SEC31B: variants seen among roughly 807,000 people sequenced by gnomAD.
The protein encoded by SEC31B is protein transport protein Sec31B.
A neutral mutation model predicts 135.0 loss-of-function variants in SEC31B; 113 were observed. That is an observed-to-expected ratio of 0.84 (90% confidence interval 0.72 to 0.98). The LOEUF (loss-of-function observed/expected upper bound fraction) is 0.98. Among genes scored for constraint, SEC31B ranks in the 50% least tolerant of loss-of-function variants. The probability of loss-of-function intolerance (pLI) is 0.00; values close to 1 mark genes in which losing one functional copy is unlikely to be tolerated. For synonymous variants in SEC31B, 508 were observed against 549.4 expected, an observed-to-expected ratio of 0.92 and a Z score of 1.05; for missense variants, 1,296 against 1,421.1, an observed-to-expected ratio of 0.91 and a Z score of 1.42.
chr10:100,500,528 C>T (rs558975232), intron 11 of SEC31B, among the ~76,000 whole-genome samples: 2 of 152,102 alleles, frequency 1.3e-5, no homozygotes, highest in South Asian at 4.2e-4. Flanking sequence ...GTTGGCCAGG[C>T]TGGTCTCGAA....
chr10:100,500,298 T>C, intron 11 of SEC31B: 1 of 407,238 alleles, frequency 2.5e-6, no homozygotes, highest in Non-Finnish European at 4.8e-6. Flanking sequence ...TACAGTAGTC[T>C]TGTGAGTCTA....
Position 100,508,995 on chromosome 10 carries a change from G to C in SEC31B, c.495+12C>G, listed in dbSNP as rs1368312157. ...GCACACTCCAGGGTTGGGTAGTGGGGGTGCTGCTCACCTGTGACTTGGATC... is the reference window on the plus strand; with the variant it reads ...GCACACTCCAGGGTTGGGTAGTGGGCGTGCTGCTCACCTGTGACTTGGATC... On this transcript the variant is annotated intron_variant, in intron 5 of 25. Coordinates refer to ENST00000370345, the MANE Select transcript of SEC31B (RefSeq NM_015490.4). 6.2e-7 allele frequency: 1 copy of C among 1,603,396 alleles called. No homozygotes were observed. Among genetic ancestry groups the C allele is most frequent in the South Asian group, 1.1e-5 (1 of 90,812 alleles).
chr10:100,502,449 G>T lies in SEC31B; in HGVS notation c.1215C>A (p.Ser405Arg), dbSNP rs768767528. The change falls in exon 11 of 26, where the codon AGC becomes AGA. Residue 405 changes from serine to arginine, a missense_variant. Ser to Arg is a moderately radical substitution (Grantham distance 110). Coordinates refer to ENST00000370345, the MANE Select transcript of SEC31B (RefSeq NM_015490.4). ...GCTGTGGCACCAGATGGGCAGGGGT[G>T]CTGGGGAGGCCAAAAGTAACCAGCT... is the stretch of plus-strand genomic sequence containing the variant. ...GGKLVTFGLPSTPAHLVPQPC... is the reference protein window; with the variant it reads ...GGKLVTFGLPRTPAHLVPQPC... 1 of 1,613,906 alleles carries T rather than the reference G, an allele frequency of 6.2e-7. No individual in the cohort carries two copies. Among genetic ancestry groups the T allele is most frequent in the Admixed American group, 1.7e-5 (1 of 60,022 alleles).
chr10:100,496,185 G>A (rs116652770), intron 18 of SEC31B, 73 bp downstream of exon 18: 1 of 1,514,974 alleles, frequency 6.6e-7, no homozygotes. Context: ...ATAGTGCCTG[G>A]AATATGGAAG....
rs1407671673 is a variant in SEC31B, at chr10:100,490,021, C to G, written c.2952G>C (p.Leu984Phe). ...AGGAAGACTGACCTGGGTGAGGAGT[C>G]AAGATGCCAGTGGTTGGGAGGACAC... ...CSSVLPTTGI[L>F]TPHPGPQDSW... Residue 984 changes from leucine to phenylalanine, a missense_variant, in exon 21 of 26, where the codon TTG becomes TTC. By Grantham distance (22) the Leu-to-Phe change is conservative (BLOSUM62 0). Coordinates refer to ENST00000370345, the MANE Select transcript of SEC31B (RefSeq NM_015490.4). The G allele has an allele frequency of 6.5e-7, 1 of 1,545,048 alleles. No homozygotes were observed. Among genetic ancestry groups the G allele is most frequent in the East Asian group, 2.2e-5 (1 of 44,510 alleles).
chr10:100,510,604 C>T (rs541924134), intron 3 of SEC31B, among the ~76,000 whole-genome samples: 15 of 152,210 alleles, frequency 9.9e-5, no homozygotes, highest in African/African-American at 2.2e-4. Context: ...CCAGATATCA[C>T]GCCAAATGAG....
Position 100,490,820 on chromosome 10 carries a change from C to T in SEC31B, c.2536G>A (p.Ala846Thr). ...TGATAAGGGCTAGGATGGGAAGGTG[C>T]CAAGGGCATCGCTGGTGATGACTGA... ...TPQSSPAMPL[A>T]PSHPSPYQGP... The change falls in exon 20 of 26, where the codon GCA (alanine) becomes ACA (threonine). Residue 846 changes from alanine (A) to threonine (T), a missense_variant. Coordinates refer to ENST00000370345, the MANE Select transcript of SEC31B (RefSeq NM_015490.4). 6.2e-7 allele frequency: 1 copy of T among 1,603,076 alleles called. No individual in the cohort carries two copies.
rs568189441 is a variant in SEC31B, at chr10:100,517,030, G to C, written c.-45-33C>G. 5 of 1,054,108 alleles carry C rather than the reference G, an allele frequency of 4.7e-6. No individual in the cohort carries two copies. In the East Asian group the frequency reaches 1.2e-4, roughly 25 times the overall value. The allele number at this position is 1,054,108 out of a possible 1,614,324, so 65.3% of individuals were successfully genotyped here. ...TAGAAACCAGCAAACTTAACAGCCA[G>C]ATCCAGGGAGCATCTGCGGACAAGA... On this transcript the variant is annotated intron_variant, in intron 1 of 25. Transcript: ENST00000370345.
intron 4 of SEC31B, 94 bp downstream of exon 4, chr10:100,509,222 G>T: frequency 2.0e-6 from 3 of 1,497,376 alleles, no homozygotes; most frequent in Non-Finnish European, 2.8e-6. Flanking sequence ...CTGGAAAGGG[G>T]TCAGAGTTAC....
At position 100,498,145 on chromosome 10, in the gene SEC31B, A is replaced by T. The variant is rs1175982659; in HGVS notation, c.1747T>A (p.Cys583Ser). ...TCAGCAAAGCGCTCCTCCTTCAGACACAGCTCCACGGCCGGACCCAGTTCC... is the reference window on the plus strand; with the variant it reads ...TCAGCAAAGCGCTCCTCCTTCAGACTCAGCTCCACGGCCGGACCCAGTTCC... ...LGELGPAVELCLKEERFADAI... is the reference protein window; with the variant it reads ...LGELGPAVELSLKEERFADAI... The change falls in exon 15 of 26, where the codon TGT becomes AGT. Residue 583 changes from cysteine to serine, a missense_variant. Cys to Ser is a moderately radical substitution (Grantham distance 112). Transcript: ENST00000370345. 6.2e-6 allele frequency: 10 copies of T among 1,614,060 alleles called. No individual in the cohort carries two copies. The highest frequency in any genetic ancestry group is 8.5e-6 in the Non-Finnish European group (10 of 1,180,046).
intron 19 of SEC31B, among the ~76,000 whole-genome samples, chr10:100,491,596 A>C (rs1851301398): frequency 6.6e-6 from 1 of 152,246 alleles, no homozygotes; most frequent in South Asian, 2.1e-4. Flanking sequence ...GATATTTAAA[A>C]ACCAATCAAT....
chr10:100,487,999 C>A, intron 25 of SEC31B, 28 bp downstream of exon 25: 1 of 1,604,152 alleles, frequency 6.2e-7, no homozygotes, highest in Non-Finnish European at 8.5e-7. Context: ...GTGTAGGAGG[C>A]AGTGGGAGCA....
In SEC31B at chr10:100,497,532, A is replaced by C. The variant is rs145747657; in HGVS notation, c.1990+135T>G. The C allele has an allele frequency of 1.2e-3, 1,889 of 1,544,118 alleles. 23 individuals are homozygous for C. In the African/African-American group the frequency reaches 0.023, roughly 19 times the overall value. ...CACTGTGGTCCCTGCCTCCTGGCTG[A>C]GCCAGATTCTAGCCCTGACAACATT... On this transcript the variant is annotated intron_variant, in intron 16 of 25. Coordinates refer to ENST00000370345, the MANE Select transcript of SEC31B (RefSeq NM_015490.4).
intron 7 of SEC31B, among the ~76,000 whole-genome samples, chr10:100,507,083 G>A (rs1009441126): frequency 6.6e-6 from 1 of 152,204 alleles, no homozygotes; most frequent in Non-Finnish European, 1.5e-5. Context: ...TTGTTTTTAT[G>A]AAGAAATCCT....
chr10:100,500,196 G>A, intron 11 of SEC31B: 1 of 456,642 alleles, frequency 2.2e-6, no homozygotes, highest in South Asian at 1.5e-5. Context: ...CATGACTGCT[G>A]AAAGGGCTCC....
chr10:100,512,450 C>T (rs1360265635), intron 3 of SEC31B, among the ~76,000 whole-genome samples: 1 of 152,184 alleles, frequency 6.6e-6, no homozygotes, highest in East Asian at 1.9e-4. Context: ...CATGTTAATC[C>T]ATATTGATTC....
chr10:100,488,033 C>CTCA lies in SEC31B; in HGVS notation c.3351_3353dup (p.Cys1117_Glu1118insAsp). On this transcript the variant is annotated inframe_insertion, in exon 25 of 26. Coordinates refer to ENST00000370345, the MANE Select transcript of SEC31B (RefSeq NM_015490.4). The stretch of plus-strand genomic sequence containing the variant: ...CACAGCTAGCTGTACTTACTGTCCC[C>CTCA]TCACAGAGCTTCTCATATAGATACT... The CTCA allele has an allele frequency of 2.5e-6, 4 of 1,614,044 alleles. No homozygotes were observed. The highest frequency in any genetic ancestry group is 3.4e-6 in the Non-Finnish European group (4 of 1,179,944).
At chr10:100,502,674 C>T (rs1045891845) in intron 10 of SEC31B, among the ~76,000 whole-genome samples, 190 bp from the exon 11 acceptor site, 2 of 152,174 alleles carry the variant, frequency 1.3e-5, no homozygotes, top group Admixed American at 1.3e-4. Flanking sequence ...AAAACCACTT[C>T]TGCACTCTTA....
intron 1 of SEC31B, among the ~76,000 whole-genome samples, chr10:100,518,280 C>G (rs1851885224): frequency 6.6e-6 from 1 of 152,126 alleles, no homozygotes; most frequent in Non-Finnish European, 1.5e-5. Context: ...ATTTTCCTTC[C>G]TTAGAGCCTT....
Sources: gnomAD v4.1 joint callset for allele counts (sites outside exome capture counted in the v4.1 genomes callset) on GRCh38, gnomAD v4.1.1 for gene constraint, MANE v1.5 for transcripts, NCBI Gene and HGNC (gene_info 2026-07-23, HGNC 2026-07-21) for gene names.